MNS1: variants seen among roughly 807,000 people sequenced by gnomAD.
The protein encoded by MNS1 is meiosis specific nuclear structural 1.
In MNS1, 63 loss-of-function variants were observed where a neutral mutation model predicts 72.0. The observed-to-expected ratio is 0.87, with a 90% CI of 0.71 to 1.08. The LOEUF (loss-of-function observed/expected upper bound fraction) is 1.08. Ranked by LOEUF, MNS1 falls within the 50% of genes least tolerant of loss-of-function variation. The probability of loss-of-function intolerance (pLI) is 0.00; values close to 1 mark genes in which losing one functional copy is unlikely to be tolerated. For missense variants in MNS1, 604 were observed against 562.4 expected, an observed-to-expected ratio of 1.07 and a Z score of -0.75; for synonymous variants, 188 against 172.1, an observed-to-expected ratio of 1.09 and a Z score of -0.72.
At position 56,464,030 on chromosome 15, in the gene MNS1, T is replaced by G; in HGVS notation, c.221A>C (p.Gln74Pro). ...QFELDMEEAI[Q>P]KAEENKRLKE... Reference sequence around the variant, plus strand: ...ACAATGAATAGTAAAACTTACCTTTTGAATGGCCTCTTCCATATCCAACTC... The same window carrying G: ...ACAATGAATAGTAAAACTTACCTTTGGAATGGCCTCTTCCATATCCAACTC... The change falls in exon 2 of 10, where the codon CAA becomes CCA. Residue 74 changes from glutamine (Q) to proline (P), a missense_variant. By Grantham distance (76) the Gln-to-Pro change is moderately conservative (BLOSUM62 -1). Coordinates refer to ENST00000260453, the MANE Select transcript of MNS1 (RefSeq NM_018365.4). 1 of 1,604,388 alleles carries G rather than the reference T, an allele frequency of 6.2e-7. No individual in the cohort carries two copies. The highest frequency in any genetic ancestry group is 1.1e-5 in the South Asian group (1 of 88,532).
At position 56,465,028 on chromosome 15, in the gene MNS1, C is replaced by T. The variant is rs1288696479; in HGVS notation, c.-56G>A. 6.3e-7 allele frequency: 1 copy of T among 1,595,974 alleles called. No individual in the cohort carries two copies. Among genetic ancestry groups the T allele is most frequent in the Non-Finnish European group, 8.5e-7 (1 of 1,172,846 alleles). On this transcript the variant is annotated 5_prime_UTR_variant, in exon 1 of 10. Transcript: ENST00000260453. ...GGACCGCGGCCACCACCTCCCGCCGCAAACGCAGCAGCCAGCAGCCCCAAG... is the reference window on the plus strand; with the variant it reads ...GGACCGCGGCCACCACCTCCCGCCGTAAACGCAGCAGCCAGCAGCCCCAAG...
chr15:56,438,615 A>C (rs1365557532), intron 7 of MNS1, among the ~76,000 whole-genome samples: 1 of 152,198 alleles, frequency 6.6e-6, no homozygotes, highest in East Asian at 1.9e-4. Context: ...CACCAAAAGC[A>C]ATGGCAACAA....
intron 9 of MNS1, 158 bp from the exon 10 acceptor site, chr15:56,429,351 A>AAAT (rs1314441847): frequency 3.6e-6 from 2 of 563,050 alleles, no homozygotes; most frequent in African/African-American, 3.9e-5. Context: ...ACTTTTCAAA[A>AAAT]AATAAGACTT....
At chr15:56,460,793 C>T (rs189075667) in intron 2 of MNS1, among the ~76,000 whole-genome samples, 7 of 152,234 alleles carry the variant, frequency 4.6e-5, no homozygotes, top group East Asian at 1.9e-4. Context: ...ATGATAACAG[C>T]GCTTCCTGGC....
intron 9 of MNS1, among the ~76,000 whole-genome samples, chr15:56,430,513 A>G (rs1399362085): frequency 1.3e-5 from 2 of 152,076 alleles, no homozygotes; most frequent in Admixed American, 1.3e-4. Flanking sequence ...GCCAGTTACT[A>G]TTTTATTTGA....
chr15:56,438,198 C>G (rs1379104801), intron 7 of MNS1, among the ~76,000 whole-genome samples: 1 of 152,176 alleles, frequency 6.6e-6, no homozygotes, highest in Admixed American at 6.6e-5. Flanking sequence ...AGGCATCATG[C>G]TACCTGAATT....
rs770230499 is a variant in MNS1, at chr15:56,429,158, A to G, written c.1431T>C (p.Leu477=). Residue 477 remains leucine (L), a synonymous_variant, in exon 10 of 10, where the codon CTT becomes CTC. Transcript: ENST00000260453. ...GATATACTTTCCTGAACTCTTCACC[A>G]AGCAGATCAATATCATCCTCTTTTT... is the stretch of plus-strand genomic sequence containing the variant. ...VFKKEDDIDL[L]GEEFRKVYQQ... 2.2e-5 allele frequency: 35 copies of G among 1,602,218 alleles called. No individual in the cohort carries two copies. Among genetic ancestry groups the G allele is most frequent in the Non-Finnish European group, 2.8e-5 (33 of 1,175,512 alleles).
chr15:56,438,070 A>C (rs1170578351), intron 7 of MNS1, among the ~76,000 whole-genome samples: 17 of 152,064 alleles, frequency 1.1e-4, no homozygotes, highest in East Asian at 3.8e-4. Context: ...AATGCCATCC[A>C]CATCAAGCTA....
At chr15:56,441,978 C>G (rs1203108463) in intron 7 of MNS1, among the ~76,000 whole-genome samples, 1 of 151,956 alleles carries the variant, frequency 6.6e-6, no homozygotes, top group Non-Finnish European at 1.5e-5. Context: ...CGAGATCACG[C>G]CACTGCACTC....
intron 3 of MNS1, among the ~76,000 whole-genome samples, chr15:56,450,462 G>A (rs1372268877): frequency 1.3e-5 from 2 of 151,886 alleles, no homozygotes; most frequent in Admixed American, 1.3e-4. Flanking sequence ...TCTGCATTTT[G>A]TCTATTTGCC....
chr15:56,444,573 T>A lies in MNS1; in HGVS notation c.557A>T (p.Gln186Leu), dbSNP rs762712101. The change falls in exon 5 of 10, where the codon CAG becomes CTG. Residue 186 changes from glutamine (Q) to leucine (L), a missense_variant. Gln to Leu is a moderately radical substitution (Grantham distance 113). Transcript: ENST00000260453. ...TTGTTTCTCTAAGTCAAGATAGTACTGTGCTTTCGCTTTGTTTCGTTTGTC... is the reference window on the plus strand; with the variant it reads ...TTGTTTCTCTAAGTCAAGATAGTACAGTGCTTTCGCTTTGTTTCGTTTGTC... ...AEDKRNKAKA[Q>L]YYLDLEKQLE... is the part of the protein sequence containing the mutation. 4 of 1,613,112 alleles carry A rather than the reference T, an allele frequency of 2.5e-6. No homozygotes were observed. Among genetic ancestry groups the A allele is most frequent in the Admixed American group, 3.3e-5 (2 of 59,972 alleles).
chr15:56,457,600 A>T lies in MNS1; in HGVS notation c.226-1079T>A, dbSNP rs1158343065. ...CACTTTGGGAGGCTAAGGTGGGAGGATCCTTAAGGCCAGGAGTTTGAGACC... is the reference window on the plus strand; with the variant it reads ...CACTTTGGGAGGCTAAGGTGGGAGGTTCCTTAAGGCCAGGAGTTTGAGACC... On this transcript the variant is annotated intron_variant, in intron 2 of 9. Transcript: ENST00000260453. 2.0e-5 allele frequency among the ~76,000 whole-genome samples: 3 copies of T among 152,130 alleles called. No individual in the cohort carries two copies. In the East Asian group the frequency reaches 5.8e-4, roughly 29 times the overall value.
chr15:56,442,563 AAAG>A (rs1363353000), intron 7 of MNS1, among the ~76,000 whole-genome samples: 1 of 152,234 alleles, frequency 6.6e-6, no homozygotes. Context: ...CAGCCATAAA[AAAG>A]AACAAAATCA....
At position 56,465,029 on chromosome 15, in the gene MNS1, A is replaced by G; in HGVS notation, c.-57T>C. 2 of 1,596,400 alleles carry G rather than the reference A, an allele frequency of 1.3e-6. No individual in the cohort carries two copies. Among genetic ancestry groups the G allele is most frequent in the Non-Finnish European group, 1.7e-6 (2 of 1,172,980 alleles). ...GACCGCGGCCACCACCTCCCGCCGC[A>G]AACGCAGCAGCCAGCAGCCCCAAGG... On this transcript the variant is annotated 5_prime_UTR_variant, in exon 1 of 10. Transcript: ENST00000260453.
chr15:56,429,100 A>G lies in MNS1; in HGVS notation c.*1T>C, dbSNP rs371073729. ...CTATGCTTTACCCAATTTTGATGAT[A>G]TCATTTCTCTTCACAAATTTCACTC... On this transcript the variant is annotated 3_prime_UTR_variant, in exon 10 of 10. Transcript: ENST00000260453. The G allele has an allele frequency of 6.9e-5, 108 of 1,574,206 alleles. No homozygotes were observed. Among genetic ancestry groups the G allele is most frequent in the Non-Finnish European group, 8.4e-5 (97 of 1,155,248 alleles).
At chr15:56,460,689 G>T (rs2051014595) in intron 2 of MNS1, among the ~76,000 whole-genome samples, 1 of 152,092 alleles carries the variant, frequency 6.6e-6, no homozygotes, top group Admixed American at 6.5e-5. Flanking sequence ...ATATTTCCAA[G>T]ATTTGTTCAC....
intron 4 of MNS1, chr15:56,445,652 C>G (rs1186161491): frequency 6.6e-6 from 1 of 151,608 alleles, no homozygotes; most frequent in African/African-American, 2.4e-5. Context: ...TTACCGAAAA[C>G]AATGTTCTCA....
At chr15:56,441,400 T>C (rs2140351314) in intron 7 of MNS1, among the ~76,000 whole-genome samples, 1 of 152,314 alleles carries the variant, frequency 6.6e-6, no homozygotes, top group Admixed American at 6.5e-5. Context: ...GTCAAGTTTA[T>C]TGATATTGCT....
At chr15:56,429,512 C>CCTTTT in intron 9 of MNS1, 1 of 187,146 alleles carries the variant, frequency 5.3e-6, no homozygotes, top group Non-Finnish European at 1.1e-5. Flanking sequence ...TGTACCCTAC[C>CCTTTT]CTTTTCTTTA....
Sources: allele counts gnomAD v4.1 joint callset (sites outside exome capture counted in the v4.1 genomes callset), GRCh38; gene constraint gnomAD v4.1.1; transcripts MANE v1.5; gene names NCBI Gene and HGNC (gene_info 2026-07-23, HGNC 2026-07-21).